The following CDC25B variants were observed in gnomAD, a reference collection of about 807,000 sequenced individuals.
The protein encoded by CDC25B is cell division cycle 25B.
CDC25B carries 33 observed loss-of-function variants against 69.8 expected under a neutral mutation model. That is an observed-to-expected ratio of 0.47 (90% CI 0.36 to 0.63). The LOEUF is 0.63. CDC25B is among the 30% of genes least tolerant of loss of function. The pLI is 0.00. For synonymous variants in CDC25B, 341 were observed against 314.6 expected, an observed-to-expected ratio of 1.08 and a Z score of -0.89; for missense variants, 727 against 809.1, an observed-to-expected ratio of 0.90 and a Z score of 1.23.
At chr20:3,797,001 T>C (rs1343484948) in intron 1 of CDC25B, among the ~76,000 whole-genome samples, 1 of 152,148 alleles carries the variant, frequency 6.6e-6, no homozygotes, top group Non-Finnish European at 1.5e-5. Context: ...TCCTCCCTCA[T>C]TGTGCCTCCA....
chr20:3,790,989 A>T (rs1380304073), intron 1 of CDC25B, among the ~76,000 whole-genome samples: 5 of 152,152 alleles, frequency 3.3e-5, no homozygotes, highest in Non-Finnish European at 7.3e-5. Flanking sequence ...TATAGGCATG[A>T]GCCACCACCC....
chr20:3,801,667 G>A (rs2089287495), intron 8 of CDC25B, 55 bp from the exon 9 acceptor site: 1 of 1,373,316 alleles, frequency 7.3e-7, no homozygotes, highest in East Asian at 2.3e-5. Context: ...CGGGACTGGA[G>A]GGGTTTGGCC....
upstream of CDC25B, chr20:3,795,753 C>A (rs3761220): frequency 6.1e-6 from 6 of 985,488 alleles, no homozygotes; most frequent in Non-Finnish European, 7.2e-6. Context: ...TGCTGCTCAG[C>A]GCAGCCAGTC....
Position 3,803,249 on chromosome 20 carries a change from GT to G in CDC25B, c.1356+46del. On this transcript the variant is annotated intron_variant, in intron 13 of 15. Coordinates refer to ENST00000245960, the MANE Select transcript of CDC25B (RefSeq NM_021873.4). This position sits in a 1 kb window ranked among gnomAD's most constrained non-coding sequence, Gnocchi z 4.9. Reference sequence around the variant, plus strand: ...GGAGAGGCCCTGAAGATCCCACCTGGTTTAGGTCCTTGCTTTGCCAAGAGGG... The same window carrying G: ...GGAGAGGCCCTGAAGATCCCACCTGGTTAGGTCCTTGCTTTGCCAAGAGGG... 6.3e-7 allele frequency: 1 copy of G among 1,579,238 alleles called. No individual in the cohort carries two copies. The highest frequency in any genetic ancestry group is 8.7e-7 in the Non-Finnish European group (1 of 1,151,382).
At position 3,790,071 on chromosome 20, in the gene CDC25B, A is replaced by G. The variant is rs547001957; in HGVS notation, c.8+2932A>G. ...GGAGGCTGGGGTGGGCCGGAGGATCACCTGAGCCCAGGAGCATGAGGCTGC... is the reference window on the plus strand; with the variant it reads ...GGAGGCTGGGGTGGGCCGGAGGATCGCCTGAGCCCAGGAGCATGAGGCTGC... On this transcript the variant is annotated intron_variant, in intron 1 of 15. Coordinates refer to the CDC25B transcript ENST00000344256. 3.7e-3 allele frequency among the ~76,000 whole-genome samples: 558 copies of G among 152,006 alleles called. 1 individual carries two copies. The highest frequency in any genetic ancestry group is 0.012 in the African/African-American group (517 of 41,478).
At position 3,802,987 on chromosome 20, in the gene CDC25B, G is replaced by C. The variant is rs752903518; in HGVS notation, c.1257+15G>C. 1 of 1,612,434 alleles carries C rather than the reference G, an allele frequency of 6.2e-7. No homozygotes were observed. The highest frequency in any genetic ancestry group is 1.7e-5 in the Admixed American group (1 of 59,994). Reference sequence around the variant, plus strand: ...CACCAGAAACGGTAAACAGCGTTGCGTCATTTTCTAGGCAGATTTGGGACT... The same window carrying C: ...CACCAGAAACGGTAAACAGCGTTGCCTCATTTTCTAGGCAGATTTGGGACT... On this transcript the variant is annotated intron_variant, in intron 12 of 15. Coordinates refer to ENST00000245960, the MANE Select transcript of CDC25B (RefSeq NM_021873.4).
upstream of CDC25B, among the ~76,000 whole-genome samples, chr20:3,792,677 A>C (rs1469217389): frequency 1.3e-5 from 2 of 152,190 alleles, no homozygotes; most frequent in Non-Finnish European, 2.9e-5. Context: ...CATGTCGGCC[A>C]GGCTGGTCTC....
At chr20:3,798,520 C>A in intron 3 of CDC25B, 57 bp downstream of exon 3, 1 of 1,361,198 alleles carries the variant, frequency 7.3e-7, no homozygotes, top group Non-Finnish European at 1.0e-6. Context: ...TTTAAGAATC[C>A]TAGTTCTACC....
upstream of CDC25B, chr20:3,795,613 C>A (rs547698095): frequency 8.9e-6 from 6 of 671,100 alleles, no homozygotes; most frequent in African/African-American, 1.2e-4. Context: ...CTGGGGCTGC[C>A]GCGAAAATTG....
chr20:3,798,059 G>C (rs1480347422), intron 2 of CDC25B, among the ~76,000 whole-genome samples: 31 of 152,218 alleles, frequency 2.0e-4, no homozygotes, highest in Non-Finnish European at 2.9e-5. Flanking sequence ...CCAGGGCTGA[G>C]AGTTGGTCTT....
Position 3,805,660 on chromosome 20 carries a change from A to G in CDC25B, c.*699A>G. ...CGGTCCCAGTTTTGTTGCCCCAGAA[A>G]GGGATGTTATTATCCTTGGGGGCTC... On this transcript the variant is annotated 3_prime_UTR_variant, in exon 16 of 16. Coordinates refer to ENST00000245960, the MANE Select transcript of CDC25B (RefSeq NM_021873.4). 1 of 401,024 alleles carries G rather than the reference A, an allele frequency of 2.5e-6. No homozygotes were observed. The allele number at this position is 401,024 out of a possible 1,614,324, so 24.8% of individuals were successfully genotyped here.
At chr20:3,800,209 C>T in intron 3 of CDC25B, 79 bp from the exon 4 acceptor site, 1 of 580,334 alleles carries the variant, frequency 1.7e-6, no homozygotes, top group Non-Finnish European at 2.4e-6. Context: ...TTACTCCCCC[C>T]TGGACTGGGG....
chr20:3,805,581 C>G lies in CDC25B; in HGVS notation c.*620C>G, dbSNP rs2089449416. ...GGTCTGTTTGACTTTACGCCCATCTCAGGACACTTCCGTAGACTGTTTAGG... is the reference window on the plus strand; with the variant it reads ...GGTCTGTTTGACTTTACGCCCATCTGAGGACACTTCCGTAGACTGTTTAGG... On this transcript the variant is annotated 3_prime_UTR_variant, in exon 16 of 16. Transcript: ENST00000245960. 2.5e-6 allele frequency: 1 copy of G among 396,464 alleles called. No individual in the cohort carries two copies. The highest frequency in any genetic ancestry group is 1.4e-4 in the South Asian group (1 of 7,088). The allele number at this position is 396,464 out of a possible 1,614,324, so 24.6% of individuals were successfully genotyped here. A position where few individuals can be genotyped will look rare whatever the true frequency, so the allele number is the denominator to read the frequency against.
chr20:3,789,431 C>T (rs764598045), intron 1 of CDC25B, among the ~76,000 whole-genome samples: 58 of 152,126 alleles, frequency 3.8e-4, no homozygotes, highest in Admixed American at 1.9e-3. Context: ...AGTGCAGTGG[C>T]GTGATCTCAG....
Position 3,800,681 on chromosome 20 carries a change from G to A in CDC25B, c.460-62G>A, listed in dbSNP as rs532926530. Reference sequence around the variant, plus strand: ...AGGAGAGGTGGAGAAGGTAGGGCCTGGGCTCGTGCCGGAGGAATGCAGCCT... The same window carrying A: ...AGGAGAGGTGGAGAAGGTAGGGCCTAGGCTCGTGCCGGAGGAATGCAGCCT... On this transcript the variant is annotated intron_variant, in intron 5 of 15. Coordinates refer to ENST00000245960, the MANE Select transcript of CDC25B (RefSeq NM_021873.4). 2.5e-6 allele frequency: 4 copies of A among 1,599,960 alleles called. No individual in the cohort carries two copies. The African/African-American group carries it at 4.0e-5, about 16-fold the overall frequency.
upstream of CDC25B, chr20:3,796,200 C>T: frequency 7.6e-6 from 9 of 1,192,042 alleles, no homozygotes; most frequent in Non-Finnish European, 9.4e-6. Context: ...CCTGCGGGCC[C>T]CGCCCTCAGT....
chr20:3,801,858 T>G (rs549943572), intron 9 of CDC25B, 56 bp downstream of exon 9: 1 of 1,582,878 alleles, frequency 6.3e-7, no homozygotes, highest in East Asian at 2.2e-5. Context: ...CATCCTACTC[T>G]CCAGTGGATT....
At position 3,802,261 on chromosome 20, in the gene CDC25B, C is replaced by T. The variant is rs2089311710; in HGVS notation, c.1099-20C>T. The T allele has an allele frequency of 1.2e-6, 2 of 1,605,690 alleles. No homozygotes were observed. Among genetic ancestry groups the T allele is most frequent in the African/African-American group, 1.3e-5 (1 of 74,930 alleles). ...GGCAGCCCCACCCTGACCCTGGCCT[C>T]CATCTGACTCACTTTCCAGAAAGCC... On this transcript the variant is annotated intron_variant, in intron 10 of 15. Transcript: ENST00000245960.
Position 3,801,263 on chromosome 20 carries a change from C to G in CDC25B, c.715C>G (p.Pro239Ala). Residue 239 changes from proline to alanine, a missense_variant, in exon 8 of 16, where the codon CCT becomes GCT. Around this residue, in one of 2 missense-constraint regions of CDC25B, gnomAD observed 368 missense variants for 345.6 expected, o/e 1.06. Transcript: ENST00000245960. ...SSAPDLMCLSPDRKMEVEELS... is the reference protein window; with the variant it reads ...SSAPDLMCLSADRKMEVEELS... ...TCTGTCATGTGGACAGTGTCTCAGT[C>G]CTGACCGGAAGATGGAAGTGGAGGA... 1 of 1,613,870 alleles carries G rather than the reference C, an allele frequency of 6.2e-7. No homozygotes were observed. Among genetic ancestry groups the G allele is most frequent in the Non-Finnish European group, 8.5e-7 (1 of 1,179,960 alleles).
Sources: allele counts gnomAD v4.1 joint callset (sites outside exome capture counted in the v4.1 genomes callset), GRCh38; gene constraint gnomAD v4.1.1; regional missense constraint gnomAD v4.1.1; non-coding constraint Gnocchi (gnomAD v3.1); transcripts MANE v1.5; gene names NCBI Gene and HGNC (gene_info 2026-07-23, HGNC 2026-07-21).